The following MICU1 variants were observed in gnomAD, a reference collection of about 807,000 sequenced individuals.
MICU1 encodes calcium uptake protein 1, mitochondrial.
Under a neutral mutation model 56.8 loss-of-function variants are expected in MICU1, and 45 were observed. The ratio of observed to expected loss-of-function variants is 0.79; its 90% CI spans 0.62 to 1.02. MICU1 has a LOEUF of 1.02. Ranked by LOEUF, MICU1 falls within the 50% of genes least tolerant of loss-of-function variation. MICU1 has a pLI of 0.00. For missense variants in MICU1, 504 were observed against 587.1 expected (o/e 0.86, Z 1.46); for synonymous variants, 186 against 195.1 (o/e 0.95, Z 0.39).
At chr10:72,523,261 T>G (rs1391555023) in intron 5 of MICU1, among the ~76,000 whole-genome samples, 2 of 152,200 alleles carry the variant, frequency 1.3e-5, no homozygotes, top group Non-Finnish European at 2.9e-5. Flanking sequence ...CGGAAGTGGC[T>G]GGCCTCAATC....
intron 6 of MICU1, among the ~76,000 whole-genome samples, chr10:72,504,235 A>C (rs1383684868): frequency 6.6e-6 from 1 of 152,116 alleles, no homozygotes; most frequent in African/African-American, 2.4e-5. Context: ...TATACTATAA[A>C]GCTACAGTAA....
Position 72,431,275 on chromosome 10 carries a change from C to T in MICU1, c.934-7904G>A, listed in dbSNP as rs1204715762. Among the ~76,000 whole-genome samples the T allele has an allele frequency of 3.3e-5, 5 of 152,022 alleles. No homozygotes were observed. The East Asian group carries it at 5.8e-4, about 18-fold the overall frequency. ...CCTCCTGAGTAGCAGGGATTGCAGG[C>T]GAGCACTACCACGCCAGCTAATTTT... On this transcript the variant is annotated intron_variant, in intron 8 of 11. Coordinates refer to ENST00000361114, the MANE Select transcript of MICU1 (RefSeq NM_001195518.2).
intron 1 of MICU1, among the ~76,000 whole-genome samples, chr10:72,581,965 T>C (rs1188235702): frequency 2.0e-5 from 3 of 152,336 alleles, no homozygotes; most frequent in East Asian, 3.9e-4. Context: ...TTTTCACTCT[T>C]GTTACCCAGG....
intron 8 of MICU1, among the ~76,000 whole-genome samples, chr10:72,466,899 G>C (rs1865809431): frequency 6.6e-6 from 1 of 152,192 alleles, no homozygotes; most frequent in Admixed American, 6.5e-5. Context: ...GGTGATTCTA[G>C]AATCTCTTTA....
chr10:72,497,294 G>A (rs1454141427), intron 6 of MICU1, among the ~76,000 whole-genome samples: 2 of 151,936 alleles, frequency 1.3e-5, no homozygotes, highest in East Asian at 1.9e-4. Context: ...TCCTGACCTC[G>A]TGATCCACCC....
intron 1 of MICU1, among the ~76,000 whole-genome samples, chr10:72,600,663 A>AG (rs1433345237): frequency 6.6e-5 from 10 of 151,724 alleles, no homozygotes; most frequent in South Asian, 2.1e-4. Context: ...AAAAAAAAAA[A>AG]AAAGAAAAAG....
At chr10:72,554,153 C>T (rs1364083663) in intron 3 of MICU1, among the ~76,000 whole-genome samples, 4 of 152,010 alleles carry the variant, frequency 2.6e-5, no homozygotes, top group African/African-American at 7.2e-5. Context: ...CAAGGAGTAG[C>T]CAAAGAGAAT....
At chr10:72,552,613 T>C (rs935306172) in intron 3 of MICU1, among the ~76,000 whole-genome samples, 1 of 152,186 alleles carries the variant, frequency 6.6e-6, no homozygotes, top group Non-Finnish European at 1.5e-5. Context: ...TGGAGTGCAA[T>C]GCTGTGATCT....
chr10:72,614,241 G>A (rs529480969), intron 1 of MICU1, among the ~76,000 whole-genome samples: 106 of 152,228 alleles, frequency 7.0e-4, no homozygotes, highest in Non-Finnish European at 1.1e-3. Context: ...TGACAAGGAT[G>A]TGTAGAAAAT....
intron 3 of MICU1, among the ~76,000 whole-genome samples, chr10:72,553,599 A>G (rs2132449363): frequency 6.6e-6 from 1 of 152,270 alleles, no homozygotes; most frequent in East Asian, 1.9e-4. Context: ...CAAAAAAGAA[A>G]CCATTCGGAA....
At chr10:72,552,160 C>G (rs972999080) in intron 3 of MICU1, among the ~76,000 whole-genome samples, 1 of 152,166 alleles carries the variant, frequency 6.6e-6, no homozygotes, top group Non-Finnish European at 1.5e-5. Flanking sequence ...TAAAATTAAA[C>G]AAACTGCTAG....
intron 8 of MICU1, among the ~76,000 whole-genome samples, chr10:72,467,500 A>C (rs915837051): frequency 2.6e-5 from 4 of 151,806 alleles, no homozygotes; most frequent in Admixed American, 2.0e-4. Flanking sequence ...CTGTATTTTT[A>C]ATAGAAACGG....
At chr10:72,400,268 G>T (rs1863407873) in intron 10 of MICU1, among the ~76,000 whole-genome samples, 1 of 151,922 alleles carries the variant, frequency 6.6e-6, no homozygotes, top group Non-Finnish European at 1.5e-5. Context: ...TAATCACTAG[G>T]TTGCAATTTC....
intron 6 of MICU1, among the ~76,000 whole-genome samples, chr10:72,500,302 A>ATAATT (rs1867021751): frequency 6.6e-4 from 7 of 10,678 alleles, no homozygotes. Flanking sequence ...ATATATATAT[A>ATAATT]TTTTTTTTTT....
intron 8 of MICU1, among the ~76,000 whole-genome samples, chr10:72,459,862 TCTC>T (rs994488367): frequency 6.6e-6 from 1 of 152,108 alleles, no homozygotes; most frequent in African/African-American, 2.4e-5. Flanking sequence ...CAAACCTACT[TCTC>T]CTCCTGTGTT....
At chr10:72,571,135 G>A (rs557644156) in intron 1 of MICU1, among the ~76,000 whole-genome samples, 50 of 152,242 alleles carry the variant, frequency 3.3e-4, no homozygotes, top group Non-Finnish European at 6.5e-4. Context: ...AGGCCACGGC[G>A]GGCAAATCAC....
intron 1 of MICU1, among the ~76,000 whole-genome samples, chr10:72,603,825 A>T (rs1841612276): frequency 6.6e-6 from 1 of 152,132 alleles, no homozygotes; most frequent in African/African-American, 2.4e-5. Flanking sequence ...CAAAACAAAC[A>T]AACAAACAAA....
At chr10:72,407,053 GA>G (rs570765549) in intron 10 of MICU1, among the ~76,000 whole-genome samples, 6 of 152,292 alleles carry the variant, frequency 3.9e-5, no homozygotes, top group Admixed American at 3.9e-4. Flanking sequence ...TCCAATGTAT[GA>G]AGTTCTAGAA....
At position 72,566,794 on chromosome 10, in the gene MICU1, C is replaced by A. The variant is rs377738849; in HGVS notation, c.-1G>T. 35 of 1,606,180 alleles carry A rather than the reference C, an allele frequency of 2.2e-5. No individual in the cohort carries two copies. Among genetic ancestry groups the A allele is most frequent in the Non-Finnish European group, 2.8e-5 (33 of 1,176,876 alleles). ...CAGAAAGTGAGTTCAGACGAAACAT[C>A]CTGTGGACAATAAGTAGAAATGTCA... On this transcript the variant is annotated splice_region_variant and 5_prime_UTR_variant, in exon 2 of 12. Transcript: ENST00000361114.
Sources: allele counts gnomAD v4.1 joint callset (sites outside exome capture counted in the v4.1 genomes callset), GRCh38; gene constraint gnomAD v4.1.1; transcripts MANE v1.5; gene names NCBI Gene and HGNC (gene_info 2026-07-23, HGNC 2026-07-21).